Variants in TBC1D4 observed in about 807,000 individuals in gnomAD.
TBC1D4 encodes the protein TBC (Tre-2, BUB2, CDC16) domain-containing protein.
In TBC1D4, 121 loss-of-function variants were observed where a neutral mutation model predicts 142.5. The ratio of observed to expected loss-of-function variants is 0.85; its 90% CI spans 0.73 to 0.99. The LOEUF (loss-of-function observed/expected upper bound fraction) is 0.99, where lower values mean the gene tolerates loss of function less well. TBC1D4 is among the 50% of genes least tolerant of loss of function. The pLI, the probability that TBC1D4 is intolerant of heterozygous loss-of-function variation, is 0.00. For missense variants in TBC1D4, 1,475 were observed against 1,606.6 expected, an observed-to-expected ratio of 0.92 and a Z score of 1.40; for synonymous variants, 630 against 628.2, an observed-to-expected ratio of 1.00 and a Z score of -0.04.
chr13:75,320,392 TG>T (rs1878651837), intron 11 of TBC1D4, among the ~76,000 whole-genome samples: 1 of 152,128 alleles, frequency 6.6e-6, no homozygotes, highest in African/African-American at 2.4e-5. Flanking sequence ...TGAGAAGCAC[TG>T]TAAAAAGTAA....
intron 1 of TBC1D4, among the ~76,000 whole-genome samples, chr13:75,466,334 T>C (rs577214495): frequency 6.6e-6 from 1 of 152,346 alleles, no homozygotes; most frequent in South Asian, 2.1e-4. Context: ...GATGGGATTT[T>C]CCTGCATTTA....
At chr13:75,361,904 G>A (rs1882552778) in intron 2 of TBC1D4, 122 bp downstream of exon 2, 2 of 1,225,140 alleles carry the variant, frequency 1.6e-6, no homozygotes, top group Admixed American at 3.9e-5. Flanking sequence ...GCTTTGAAGG[G>A]GAAAACAAAT....
intron 1 of TBC1D4, among the ~76,000 whole-genome samples, chr13:75,446,839 AT>A (rs200302498): frequency 0.045 from 6,737 of 149,132 alleles, 181 homozygotes; most frequent in Middle Eastern, 0.069. Flanking sequence ...AGTCCATATA[AT>A]TTTTTTTTTT....
chr13:75,346,584 TG>T (rs1328655447), intron 5 of TBC1D4, among the ~76,000 whole-genome samples: 1 of 152,234 alleles, frequency 6.6e-6, no homozygotes, highest in Non-Finnish European at 1.5e-5. Context: ...TCTTTGCTAG[TG>T]TGGATAGTGC....
chr13:75,361,568 C>G (rs374366634), intron 2 of TBC1D4, among the ~76,000 whole-genome samples: 1 of 152,100 alleles, frequency 6.6e-6, no homozygotes, highest in Non-Finnish European at 1.5e-5. Context: ...TTAATAGAGA[C>G]GGGGTTTTGC....
At chr13:75,320,086 C>T (rs1358340471) in intron 11 of TBC1D4, 49 bp from the exon 12 acceptor site, 1 of 1,604,248 alleles carries the variant, frequency 6.2e-7, no homozygotes, top group Non-Finnish European at 8.5e-7. Context: ...ACAAATATGT[C>T]CAAATCAGGA....
In TBC1D4 at chr13:75,288,979, A is replaced by G; in HGVS notation, c.3618T>C (p.Asn1206=). The G allele has an allele frequency of 6.2e-7, 1 of 1,613,870 alleles. No homozygotes were observed. The highest frequency in any genetic ancestry group is 8.5e-7 in the Non-Finnish European group (1 of 1,179,884). The change falls in exon 20 of 21, where the codon AAT becomes AAC. Residue 1206 remains asparagine, a synonymous_variant. Coordinates refer to ENST00000377636, the MANE Select transcript of TBC1D4 (RefSeq NM_014832.5). The stretch of plus-strand genomic sequence containing the variant: ...CCATGTTTTGTCTTTTCAGTTGGCT[A>G]TTGGCCCTCTCCAGCTTCTCCAAAG... ...SETLEKLERA[N]SQLKRQNMDL...
Position 75,302,420 on chromosome 13 carries a change from A to C in TBC1D4, c.2753-19T>G. The stretch of plus-strand genomic sequence containing the variant: ...GGAACTCCTACAATGAAGGAGATAA[A>C]TAACCAAGGCCTTGAACTCTGGAAT... On this transcript the variant is annotated intron_variant, in intron 15 of 20. Coordinates refer to ENST00000377636, the MANE Select transcript of TBC1D4 (RefSeq NM_014832.5). 1 of 1,614,066 alleles carries C rather than the reference A, an allele frequency of 6.2e-7. No homozygotes were observed. Among genetic ancestry groups the C allele is most frequent in the South Asian group, 1.1e-5 (1 of 91,070 alleles).
chr13:75,432,735 A>G (rs1886641803), intron 1 of TBC1D4, among the ~76,000 whole-genome samples: 1 of 152,208 alleles, frequency 6.6e-6, no homozygotes, highest in Non-Finnish European at 1.5e-5. Context: ...TACATAAGAT[A>G]GGTATTATCA....
rs1224879894 is a variant in TBC1D4 at position 75,284,480 on chromosome 13, G to A, written c.*2312C>T. Among the ~76,000 whole-genome samples, 1 of 151,962 alleles carries A rather than the reference G, an allele frequency of 6.6e-6. No homozygotes were observed. Among genetic ancestry groups the A allele is most frequent in the Non-Finnish European group, 1.5e-5 (1 of 67,928 alleles). ...ATGCACAGTTCACAATAGGGTTTGCGCTCCTATGAGAATCTAATGCCGTGG... is the reference window on the plus strand; with the variant it reads ...ATGCACAGTTCACAATAGGGTTTGCACTCCTATGAGAATCTAATGCCGTGG... On this transcript the variant is annotated 3_prime_UTR_variant, in exon 21 of 21. Coordinates refer to ENST00000377636, the MANE Select transcript of TBC1D4 (RefSeq NM_014832.5).
chr13:75,319,177 A>G (rs1268936884), intron 12 of TBC1D4, among the ~76,000 whole-genome samples: 1 of 152,186 alleles, frequency 6.6e-6, no homozygotes, highest in African/African-American at 2.4e-5. Flanking sequence ...TAATCTTATA[A>G]TTGTTGCTAA....
chr13:75,380,077 C>T (rs908151031), intron 1 of TBC1D4, among the ~76,000 whole-genome samples: 1 of 151,468 alleles, frequency 6.6e-6, no homozygotes, highest in Non-Finnish European at 1.5e-5. Flanking sequence ...CGGGGTTTCA[C>T]TGTGTTGGCC....
chr13:75,333,631 C>T (rs191609289), intron 8 of TBC1D4, among the ~76,000 whole-genome samples: 2 of 152,270 alleles, frequency 1.3e-5, no homozygotes, highest in African/African-American at 2.4e-5. Context: ...AGGACATTCT[C>T]CAATATAACT....
At position 75,368,187 on chromosome 13, in the gene TBC1D4, T is replaced by C. The variant is rs1232131833; in HGVS notation, c.499-5580A>G. Among the ~76,000 whole-genome samples, 6 of 152,174 alleles carry C rather than the reference T, an allele frequency of 3.9e-5. No individual in the cohort carries two copies. The East Asian group carries it at 5.8e-4, about 15-fold the overall frequency. ...GAGTAATACACTGATTTGAAAATGA[T>C]AGAACTGTAAAACTGTAAAACTAAG... On this transcript the variant is annotated intron_variant, in intron 1 of 20. Coordinates refer to ENST00000377636, the MANE Select transcript of TBC1D4 (RefSeq NM_014832.5).
At chr13:75,449,532 A>AACACACAC (rs34025489) in intron 1 of TBC1D4, among the ~76,000 whole-genome samples, 546 of 149,276 alleles carry the variant, frequency 3.7e-3, no homozygotes, top group Middle Eastern at 6.9e-3. Flanking sequence ...GTGAAACTGC[A>AACACACAC]ACACACACAC....
At chr13:75,342,210 C>A (rs1473402936) in intron 5 of TBC1D4, among the ~76,000 whole-genome samples, 1 of 151,684 alleles carries the variant, frequency 6.6e-6, no homozygotes, top group Non-Finnish European at 1.5e-5. Context: ...ACAACAACAA[C>A]AAAAATTACT....
At chr13:75,405,115 C>T (rs1306067926) in intron 1 of TBC1D4, among the ~76,000 whole-genome samples, 1 of 152,066 alleles carries the variant, frequency 6.6e-6, no homozygotes, top group Admixed American at 6.5e-5. Flanking sequence ...ATACAGCTCA[C>T]CAGATCTCAG....
At chr13:75,295,762 A>G (rs1350991593) in intron 17 of TBC1D4, among the ~76,000 whole-genome samples, 1 of 152,214 alleles carries the variant, frequency 6.6e-6, no homozygotes, top group Non-Finnish European at 1.5e-5. Context: ...AGCAGTAGTA[A>G]GTAACAAACA....
chr13:75,332,038 C>A (rs182821030), intron 8 of TBC1D4, among the ~76,000 whole-genome samples: 11 of 152,258 alleles, frequency 7.2e-5, no homozygotes, highest in Non-Finnish European at 1.6e-4. Context: ...ACAGTATCCA[C>A]CTTGATCAAA....
Sources: allele counts gnomAD v4.1 joint callset (sites outside exome capture counted in the v4.1 genomes callset), GRCh38; gene constraint gnomAD v4.1.1; transcripts MANE v1.5; gene names NCBI Gene and HGNC (gene_info 2026-07-23, HGNC 2026-07-21).